The following TMEM131 variants were observed in gnomAD, a reference collection of about 807,000 sequenced individuals.
The protein encoded by TMEM131 is 2610524E03Rik.
Under a neutral mutation model 211.6 loss-of-function variants are expected in TMEM131, and 66 were observed. That is an observed-to-expected ratio of 0.31 (90% CI 0.26 to 0.38). The LOEUF (loss-of-function observed/expected upper bound fraction) is 0.38. Among genes scored for constraint, TMEM131 ranks in the 10% least tolerant of loss-of-function variants. The pLI is 1.00. For missense variants in TMEM131, 2,036 were observed against 2,299.3 expected, an observed-to-expected ratio of 0.89 and a Z score of 2.34; for synonymous variants, 844 against 841.3, an observed-to-expected ratio of 1.00 and a Z score of -0.06.
intron 1 of TMEM131, among the ~76,000 whole-genome samples, chr2:97,994,359 C>T (rs535471879): frequency 3.9e-5 from 6 of 152,246 alleles, no homozygotes; most frequent in African/African-American, 7.2e-5. Flanking sequence ...ACTAAGGTTG[C>T]TTAGAGAGTT....
intron 1 of TMEM131, among the ~76,000 whole-genome samples, chr2:97,978,043 C>T (rs890242548): frequency 1.3e-5 from 2 of 151,998 alleles, no homozygotes; most frequent in Non-Finnish European, 2.9e-5. Context: ...GCCGAGACTG[C>T]GCCACTGCAC....
At chr2:97,971,510 G>A (rs1238537756) in intron 1 of TMEM131, among the ~76,000 whole-genome samples, 1 of 152,112 alleles carries the variant, frequency 6.6e-6, no homozygotes, top group Non-Finnish European at 1.5e-5. Context: ...CAAATGCAAT[G>A]GGCTGAGAAA....
intron 15 of TMEM131, among the ~76,000 whole-genome samples, chr2:97,813,297 C>T (rs1214431562): frequency 6.6e-6 from 1 of 152,224 alleles, no homozygotes; most frequent in Non-Finnish European, 1.5e-5. Context: ...CGAGACATTA[C>T]TGAAGGTCCC....
intron 17 of TMEM131, among the ~76,000 whole-genome samples, chr2:97,811,551 C>T (rs1040129145): frequency 2.0e-5 from 3 of 152,184 alleles, no homozygotes; most frequent in Non-Finnish European, 4.4e-5. Context: ...AGGGACACAG[C>T]CTTCCACCAA....
At chr2:97,979,192 G>C (rs561562170) in intron 1 of TMEM131, among the ~76,000 whole-genome samples, 2 of 152,310 alleles carry the variant, frequency 1.3e-5, no homozygotes, top group Non-Finnish European at 2.9e-5. Context: ...AGGCTTTCTT[G>C]TTCCAGTTAT....
rs1295767205 is a variant in TMEM131 at position 97,766,618 on chromosome 2, G to A, written c.4449-16C>T. The A allele has an allele frequency of 6.2e-7, 1 of 1,612,164 alleles. No homozygotes were observed. The highest frequency in any genetic ancestry group is 1.3e-5 in the African/African-American group (1 of 74,864). On this transcript the variant is annotated splice_polypyrimidine_tract_variant and intron_variant, in intron 33 of 40. Coordinates refer to ENST00000186436, the MANE Select transcript of TMEM131 (RefSeq NM_015348.2). ...TTCTAATGAACTGAAAGACAATCAG[G>A]GATGGAAAATACAAATTTATTCCTC... is the stretch of plus-strand genomic sequence containing the variant.
chr2:97,827,649 T>G, intron 11 of TMEM131: 3 of 917,860 alleles, frequency 3.3e-6, no homozygotes, highest in Non-Finnish European at 5.1e-6. Context: ...AGTTTTTTAG[T>G]AGCTCTAGAA....
intron 4 of TMEM131, among the ~76,000 whole-genome samples, chr2:97,875,615 G>A (rs190778727): frequency 4.0e-4 from 61 of 152,160 alleles, no homozygotes; most frequent in African/African-American, 1.3e-3. Context: ...CTCCTGAATG[G>A]CTACTGGGTA....
intron 4 of TMEM131, among the ~76,000 whole-genome samples, chr2:97,859,669 C>T (rs1673986226): frequency 6.6e-6 from 1 of 152,194 alleles, no homozygotes; most frequent in Admixed American, 6.5e-5. Context: ...AGTTTCATCC[C>T]TGAGGCTCAG....
In TMEM131 at chr2:97,908,711, T is replaced by C; in HGVS notation, c.250-13A>G. On this transcript the variant is annotated splice_polypyrimidine_tract_variant and intron_variant, in intron 2 of 40. Transcript: ENST00000186436. The stretch of plus-strand genomic sequence containing the variant: ...GTGTTGTCTCGGTCTGTAAAAGGAA[T>C]AAAATAATGATTAAAAAACTGAAGC... 6.2e-7 allele frequency: 1 copy of C among 1,601,096 alleles called. No homozygotes were observed. Among genetic ancestry groups the C allele is most frequent in the Non-Finnish European group, 8.5e-7 (1 of 1,171,030 alleles).
chr2:97,849,131 G>A (rs1179389850), intron 5 of TMEM131, among the ~76,000 whole-genome samples: 3 of 152,072 alleles, frequency 2.0e-5, no homozygotes, highest in African/African-American at 4.8e-5. Context: ...TGAGTGACTC[G>A]CATCACAAAA....
intron 31 of TMEM131, 56 bp downstream of exon 31, chr2:97,792,330 C>A: frequency 1.4e-6 from 2 of 1,384,174 alleles, no homozygotes; most frequent in Non-Finnish European, 9.7e-7. Context: ...GCTCCTTAAG[C>A]ACGCACTGGC....
intron 11 of TMEM131, among the ~76,000 whole-genome samples, chr2:97,827,054 C>G (rs1453640248): frequency 9.9e-6 from 1 of 101,304 alleles, no homozygotes; most frequent in Non-Finnish European, 1.9e-5. Context: ...AATGGGTATT[C>G]AGTAAGTGAT....
At chr2:97,841,352 A>AGCTT (rs1325460966) in intron 7 of TMEM131, among the ~76,000 whole-genome samples, 1 of 152,254 alleles carries the variant, frequency 6.6e-6, no homozygotes, top group East Asian at 1.9e-4. Flanking sequence ...TAAAAAAACA[A>AGCTT]GCTTGCTTTT....
chr2:97,906,699 A>G (rs1369974255), intron 3 of TMEM131, among the ~76,000 whole-genome samples: 1 of 152,186 alleles, frequency 6.6e-6, no homozygotes, highest in Non-Finnish European at 1.5e-5. Flanking sequence ...GGTCCCAGCT[A>G]GAAACTAGCA....
At chr2:97,964,368 T>C (rs140017454) in intron 1 of TMEM131, among the ~76,000 whole-genome samples, 1 of 152,364 alleles carries the variant, frequency 6.6e-6, no homozygotes, top group African/African-American at 2.4e-5. Flanking sequence ...GAAAATGATA[T>C]GCAAGCCACA....
At chr2:97,766,376 T>C in intron 34 of TMEM131, 102 bp downstream of exon 34, 3 of 1,597,656 alleles carry the variant, frequency 1.9e-6, no homozygotes, top group Middle Eastern at 3.3e-4. Context: ...CTTGCATGAC[T>C]AATAACTACT....
At chr2:97,859,790 C>T (rs1230706110) in intron 4 of TMEM131, among the ~76,000 whole-genome samples, 5 of 152,174 alleles carry the variant, frequency 3.3e-5, no homozygotes, top group Non-Finnish European at 4.4e-5. Flanking sequence ...TCCACAGATA[C>T]GTGCTCTTCA....
chr2:97,800,223 T>C (rs576277712), intron 25 of TMEM131, among the ~76,000 whole-genome samples: 8 of 152,248 alleles, frequency 5.3e-5, no homozygotes, highest in Admixed American at 3.9e-4. Flanking sequence ...CCACATTCTA[T>C]AGCACTGTAG....
Sources: gnomAD v4.1 joint callset for allele counts (sites outside exome capture counted in the v4.1 genomes callset) on GRCh38, gnomAD v4.1.1 for gene constraint, MANE v1.5 for transcripts, NCBI Gene and HGNC (gene_info 2026-07-23, HGNC 2026-07-21) for gene names.